CTNNA3: variants seen among roughly 807,000 people sequenced by gnomAD.
CTNNA3 encodes the protein catenin alpha-3.
Under a neutral mutation model 95.7 loss-of-function variants are expected in CTNNA3, and 76 were observed. The observed-to-expected ratio is 0.79, with a 90% CI of 0.66 to 0.96. The LOEUF (loss-of-function observed/expected upper bound fraction) is 0.96, where lower values mean the gene tolerates loss of function less well. Among genes scored for constraint, CTNNA3 ranks in the 40% least tolerant of loss-of-function variants. The pLI, the probability that CTNNA3 is intolerant of heterozygous loss-of-function variation, is 0.00. For synonymous variants in CTNNA3, 431 were observed against 374.4 expected, an observed-to-expected ratio of 1.15 and a Z score of -1.74; for missense variants, 1,191 against 1,089.8, an observed-to-expected ratio of 1.09 and a Z score of -1.31.
chr10:67,551,903 A>C (rs578106866), intron 3 of CTNNA3, among the ~76,000 whole-genome samples: 47 of 152,362 alleles, frequency 3.1e-4, no homozygotes, highest in African/African-American at 1.1e-3. Flanking sequence ...TAAATGCCAT[A>C]GACTAAAGAG....
intron 6 of CTNNA3, among the ~76,000 whole-genome samples, chr10:67,188,456 T>C (rs1305029941): frequency 6.6e-6 from 1 of 152,082 alleles, no homozygotes; most frequent in African/African-American, 2.4e-5. Flanking sequence ...TAGGGAGGGA[T>C]TTAGATCCAT....
intron 10 of CTNNA3, among the ~76,000 whole-genome samples, chr10:66,523,213 G>A (rs918861728): frequency 5.9e-5 from 9 of 152,114 alleles, no homozygotes; most frequent in African/African-American, 1.9e-4. Context: ...GGACAGCTAC[G>A]TACACATGTG....
At chr10:67,156,787 T>G (rs1324273738) in intron 7 of CTNNA3, among the ~76,000 whole-genome samples, 1 of 152,140 alleles carries the variant, frequency 6.6e-6, no homozygotes, top group Non-Finnish European at 1.5e-5. Flanking sequence ...GTTCTGTCCA[T>G]GTTTTTTTAG....
intron 5 of CTNNA3, among the ~76,000 whole-genome samples, chr10:67,220,633 T>A (rs1864611085): frequency 6.6e-6 from 1 of 152,194 alleles, no homozygotes; most frequent in African/African-American, 2.4e-5. Context: ...TTAGGCTGAA[T>A]GGTCCGAGAA....
chr10:67,734,239 A>T (rs139055107), intron 1 of CTNNA3, among the ~76,000 whole-genome samples: 3,256 of 152,240 alleles, frequency 0.021, 80 homozygotes, highest in South Asian at 0.032. Flanking sequence ...TAAAGCCAAG[A>T]ACTCTGTGAA....
intron 10 of CTNNA3, among the ~76,000 whole-genome samples, chr10:66,535,207 G>A (rs1020151537): frequency 6.6e-6 from 1 of 151,994 alleles, no homozygotes; most frequent in African/African-American, 2.4e-5. Flanking sequence ...TTAGTTGATA[G>A]ACAAAAATTA....
At chr10:66,803,754 T>G (rs2132241062) in intron 7 of CTNNA3, among the ~76,000 whole-genome samples, 1 of 152,168 alleles carries the variant, frequency 6.6e-6, no homozygotes, top group Admixed American at 6.6e-5. Flanking sequence ...CTGAATAAAG[T>G]TAATTTTAAG....
intron 5 of CTNNA3, among the ~76,000 whole-genome samples, chr10:67,393,827 T>A (rs563477416): frequency 6.6e-6 from 1 of 152,238 alleles, no homozygotes; most frequent in South Asian, 2.1e-4. Context: ...AAAAGATATA[T>A]ATACCTGAAA....
At chr10:67,221,199 A>G (rs1438653689) in intron 5 of CTNNA3, among the ~76,000 whole-genome samples, 3 of 152,218 alleles carry the variant, frequency 2.0e-5, no homozygotes, top group Non-Finnish European at 2.9e-5. Flanking sequence ...TGGCAAATGT[A>G]AGATACAGCA....
At chr10:67,361,430 G>A (rs371602152) in intron 5 of CTNNA3, among the ~76,000 whole-genome samples, 8 of 152,002 alleles carry the variant, frequency 5.3e-5, no homozygotes, top group African/African-American at 1.9e-4. Flanking sequence ...CCATACTCTT[G>A]GACCACAATG....
chr10:66,295,027 T>C lies in CTNNA3; in HGVS notation c.1733-14406A>G, dbSNP rs77604338. On this transcript the variant is annotated intron_variant, in intron 12 of 17. Transcript: ENST00000433211. The stretch of plus-strand genomic sequence containing the variant: ...GTTTGAAAGAGGAACTTGGTAGTCA[T>C]AATTAAATGTGTCTCTGTTGATAGC... 2.9e-4 allele frequency among the ~76,000 whole-genome samples: 44 copies of C among 152,298 alleles called. No homozygotes were observed. In the East Asian group the frequency reaches 8.1e-3, roughly 28 times the overall value.
intron 5 of CTNNA3, among the ~76,000 whole-genome samples, chr10:67,294,755 A>T (rs1839969466): frequency 6.6e-6 from 1 of 152,226 alleles, no homozygotes; most frequent in African/African-American, 2.4e-5. Context: ...AAATTAAAAC[A>T]GCTGTTAATA....
Position 66,766,382 on chromosome 10 carries a change from G to A in CTNNA3, c.1163C>T (p.Ser388Phe). The A allele has an allele frequency of 1.2e-6, 2 of 1,613,736 alleles. No individual in the cohort carries two copies. The highest frequency in any genetic ancestry group is 1.7e-6 in the Non-Finnish European group (2 of 1,179,806). Reference protein sequence around the residue: ...RKAIIDHVSDSFLDTTVPLLV... With the variant: ...RKAIIDHVSDFFLDTTVPLLV... Reference sequence around the variant, plus strand: ...AAGAGGGACTGTCGTATCCAGGAAAGAGTCTGACACATGATCTATAATAGC... The same window carrying A: ...AAGAGGGACTGTCGTATCCAGGAAAAAGTCTGACACATGATCTATAATAGC... Residue 388 changes from serine (S) to phenylalanine (F), a missense_variant, in exon 9 of 18, where the codon TCT becomes TTT. By Grantham distance (155) the Ser-to-Phe change is radical. Transcript: ENST00000433211.
chr10:66,840,938 G>C (rs977929673), intron 7 of CTNNA3, among the ~76,000 whole-genome samples: 10 of 152,098 alleles, frequency 6.6e-5, no homozygotes, highest in Non-Finnish European at 1.5e-4. Flanking sequence ...TAGAATAACT[G>C]ATCTGAAAGG....
At chr10:66,129,228 C>T (rs183912591) in intron 13 of CTNNA3, among the ~76,000 whole-genome samples, 2 of 152,200 alleles carry the variant, frequency 1.3e-5, no homozygotes, top group Admixed American at 1.3e-4. Context: ...TGTGCCATTG[C>T]ACTCCAGCCT....
chr10:67,287,655 G>A (rs1338324357), intron 5 of CTNNA3, among the ~76,000 whole-genome samples: 1 of 152,160 alleles, frequency 6.6e-6, no homozygotes, highest in Non-Finnish European at 1.5e-5. Flanking sequence ...GCAATCAGAT[G>A]ATGTGACCAG....
intron 7 of CTNNA3, among the ~76,000 whole-genome samples, chr10:66,943,666 T>C (rs754296603): frequency 6.6e-6 from 1 of 152,142 alleles, no homozygotes; most frequent in Non-Finnish European, 1.5e-5. Context: ...TACTTAAACA[T>C]AGTTTTGTAC....
At chr10:67,568,648 G>A (rs574300618) in intron 3 of CTNNA3, among the ~76,000 whole-genome samples, 1 of 152,108 alleles carries the variant, frequency 6.6e-6, no homozygotes, top group African/African-American at 2.4e-5. Flanking sequence ...TGGGTTACCT[G>A]TATTGAAAGA....
chr10:67,305,083 T>A (rs1157081698), intron 5 of CTNNA3, among the ~76,000 whole-genome samples: 1 of 152,168 alleles, frequency 6.6e-6, no homozygotes, highest in Non-Finnish European at 1.5e-5. Flanking sequence ...AAGACCATCC[T>A]TGCTAACACA....
Sources: gnomAD v4.1 joint callset for allele counts (sites outside exome capture counted in the v4.1 genomes callset) on GRCh38, gnomAD v4.1.1 for gene constraint, MANE v1.5 for transcripts, NCBI Gene and HGNC (gene_info 2026-07-23, HGNC 2026-07-21) for gene names.